The following DSCAML1 variants were observed in gnomAD, a reference collection of about 807,000 sequenced individuals.
The protein encoded by DSCAML1 is DS cell adhesion molecule like 1.
In DSCAML1, 38 loss-of-function variants were observed where a neutral mutation model predicts 200.5. The observed-to-expected ratio is 0.19, with a 90% CI of 0.15 to 0.25. The LOEUF is 0.25. Ranked by LOEUF, DSCAML1 falls within the 10% of genes least tolerant of loss-of-function variation. The pLI, the probability that DSCAML1 is intolerant of heterozygous loss-of-function variation, is 1.00. For missense variants in DSCAML1, 2,223 were observed against 2,858.8 expected, an observed-to-expected ratio of 0.78 and a Z score of 5.07; for synonymous variants, 1,215 against 1,165.0, an observed-to-expected ratio of 1.04 and a Z score of -0.87.
intron 3 of DSCAML1, among the ~76,000 whole-genome samples, chr11:117,596,667 A>G (rs1366819981): frequency 6.6e-6 from 1 of 152,234 alleles, no homozygotes; most frequent in African/African-American, 2.4e-5. Flanking sequence ...GAGGTGTGGG[A>G]GGTGAAGACA....
intron 2 of DSCAML1, 92 bp from the exon 3 acceptor site, chr11:117,777,029 C>T: frequency 7.4e-7 from 1 of 1,343,572 alleles, no homozygotes; most frequent in Non-Finnish European, 1.0e-6. Flanking sequence ...TCAACTCCCT[C>T]TGCTCCTTCA....
chr11:117,531,975 T>TAAAGAAAGAAAGGAAAAGAAAAG (rs2050088240), intron 4 of DSCAML1, among the ~76,000 whole-genome samples: 1 of 131,568 alleles, frequency 7.6e-6, no homozygotes, highest in Admixed American at 7.6e-5. Flanking sequence ...AGGGACGAAA[T>TAAAGAAAGAAAGGAAAAGAAAAG]AAAGAAAGAA....
At chr11:117,696,003 A>G (rs898387999) in intron 3 of DSCAML1, among the ~76,000 whole-genome samples, 1 of 152,228 alleles carries the variant, frequency 6.6e-6, no homozygotes, top group Non-Finnish European at 1.5e-5. Context: ...GCCATTGGAG[A>G]AGTGGAGGGA....
At chr11:117,648,225 G>A (rs942832687) in intron 3 of DSCAML1, among the ~76,000 whole-genome samples, 1 of 152,218 alleles carries the variant, frequency 6.6e-6, no homozygotes, top group Admixed American at 6.5e-5. Flanking sequence ...CTGCCCAGCT[G>A]TGTGTCCATG....
intron 19 of DSCAML1, among the ~76,000 whole-genome samples, chr11:117,456,423 G>A: frequency 6.6e-6 from 1 of 152,292 alleles, no homozygotes; most frequent in Middle Eastern, 3.4e-3. Context: ...AAAGGATAAA[G>A]TATACGGAGA....
chr11:117,632,290 T>A (rs1212536654), intron 3 of DSCAML1, among the ~76,000 whole-genome samples: 1 of 152,116 alleles, frequency 6.6e-6, no homozygotes, highest in Non-Finnish European at 1.5e-5. Context: ...AGCTCACCAC[T>A]TCTCGAGAGA....
At chr11:117,520,666 TC>T (rs2049867720) in intron 6 of DSCAML1, among the ~76,000 whole-genome samples, 1 of 144,874 alleles carries the variant, frequency 6.9e-6, no homozygotes, top group Non-Finnish European at 1.5e-5. Context: ...GGCGGGAGGA[TC>T]GCTTCACCCC....
intron 14 of DSCAML1, among the ~76,000 whole-genome samples, chr11:117,477,353 T>A (rs1463250232): frequency 3.4e-5 from 1 of 29,420 alleles, no homozygotes; most frequent in Non-Finnish European, 6.5e-5. Flanking sequence ...TCTGAAAGTG[T>A]GTGTGTGTGT....
rs1021902671 is a variant in DSCAML1, at chr11:117,428,530, G to T, written c.5960C>A (p.Ala1987Asp). 3 of 1,505,812 alleles carry T rather than the reference G, an allele frequency of 2.0e-6. No homozygotes were observed. The highest frequency in any genetic ancestry group is 4.0e-5 in the Admixed American group (2 of 50,010). 93.3% of individuals were successfully genotyped at this position (1,505,812 alleles called of 1,614,324 possible). The change falls in exon 33 of 33, where the codon GCC becomes GAC. Residue 1987 changes from alanine (A) to aspartate (D), a missense_variant. By Grantham distance (126) the Ala-to-Asp change is moderately radical (BLOSUM62 -2). Transcript: ENST00000651296. ...TGGCTCAGCAGGGGTGGGGCCGGGGGCTGGGGGGGCTGTGCCGGCTGGGGG... is the reference window on the plus strand; with the variant it reads ...TGGCTCAGCAGGGGTGGGGCCGGGGTCTGGGGGGGCTGTGCCGGCTGGGGG... ...PAPPAGTAPP[A>D]PGPTPAEPPT... is the part of the protein sequence containing the mutation.
At chr11:117,533,921 C>A (rs1160919082) in intron 3 of DSCAML1, among the ~76,000 whole-genome samples, 1 of 152,176 alleles carries the variant, frequency 6.6e-6, no homozygotes, top group Non-Finnish European at 1.5e-5. Context: ...TTGGGGATTT[C>A]CCAGGCAGAC....
intron 3 of DSCAML1, among the ~76,000 whole-genome samples, chr11:117,566,328 C>G (rs1459816268): frequency 2.0e-5 from 3 of 148,684 alleles, no homozygotes; most frequent in African/African-American, 7.5e-5. Context: ...TCTCTTTCTC[C>G]CTTTCTTTTC....
intron 19 of DSCAML1, among the ~76,000 whole-genome samples, chr11:117,454,242 T>G (rs2048334675): frequency 6.6e-6 from 1 of 152,184 alleles, no homozygotes; most frequent in Admixed American, 6.5e-5. Flanking sequence ...AATCCGAGAT[T>G]CCACCTGAGA....
At chr11:117,486,950 G>A (rs1397822353) in intron 11 of DSCAML1, among the ~76,000 whole-genome samples, 2 of 92,562 alleles carry the variant, frequency 2.2e-5, no homozygotes, top group Non-Finnish European at 4.1e-5. Context: ...TTGAGACAGA[G>A]TCTTGCTCTT....
At chr11:117,699,896 T>G (rs1234432742) in intron 3 of DSCAML1, among the ~76,000 whole-genome samples, 1 of 152,228 alleles carries the variant, frequency 6.6e-6, no homozygotes, top group Non-Finnish European at 1.5e-5. Flanking sequence ...GGGCTTGTCC[T>G]TACCATCACT....
intron 1 of DSCAML1, among the ~76,000 whole-genome samples, chr11:117,815,944 C>A (rs557550118): frequency 1.1e-4 from 16 of 152,014 alleles, no homozygotes; most frequent in African/African-American, 3.9e-4. Flanking sequence ...GGTTGGGGAG[C>A]TGCCACTCCT....
chr11:117,769,548 TTA>T (rs1410853117), intron 3 of DSCAML1, among the ~76,000 whole-genome samples: 3 of 2,212 alleles, frequency 1.4e-3, no homozygotes, highest in Non-Finnish European at 2.6e-3. Context: ...ATTATATATT[TTA>T]TATATATATT....
chr11:117,785,962 A>T (rs761122132), intron 1 of DSCAML1, among the ~76,000 whole-genome samples: 9 of 152,160 alleles, frequency 5.9e-5, no homozygotes, highest in Admixed American at 1.3e-4. Context: ...TTTTTCCATC[A>T]TGTTGTTGAG....
At chr11:117,482,648 CTGTGA>C (rs11279468) in intron 11 of DSCAML1, among the ~76,000 whole-genome samples, 17,002 of 152,130 alleles carry the variant, frequency 0.11, 1,169 homozygotes, top group South Asian at 0.24. Flanking sequence ...TTTGCAATCA[CTGTGA>C]TGTGATGGGA....
chr11:117,536,069 T>C (rs1452350045), intron 3 of DSCAML1, among the ~76,000 whole-genome samples: 1 of 151,018 alleles, frequency 6.6e-6, no homozygotes, highest in African/African-American at 2.4e-5. Context: ...AGACACAGTG[T>C]TTTGCTCCTC....
Sources: gnomAD v4.1 joint callset for allele counts (sites outside exome capture counted in the v4.1 genomes callset) on GRCh38, gnomAD v4.1.1 for gene constraint, MANE v1.5 for transcripts, NCBI Gene and HGNC (gene_info 2026-07-23, HGNC 2026-07-21) for gene names.